CAMK4: variants seen among roughly 807,000 people sequenced by gnomAD.
CAMK4 encodes calcium/calmodulin dependent protein kinase IV, also known as calcium/calmodulin-dependent protein kinase type IV.
Under a neutral mutation model 44.9 loss-of-function variants are expected in CAMK4, and 22 were observed. The observed-to-expected ratio is 0.49, with a 90% CI of 0.35 to 0.70. CAMK4 has a LOEUF of 0.70. CAMK4 is among the 30% of genes least tolerant of loss of function. The pLI is 0.01. For missense variants in CAMK4, 498 were observed against 586.8 expected, an observed-to-expected ratio of 0.85 and a Z score of 1.56; for synonymous variants, 218 against 215.4, an observed-to-expected ratio of 1.01 and a Z score of -0.11.
At position 111,494,733 on chromosome 5, in the gene CAMK4, A is replaced by G. The variant is rs771577710; in HGVS notation, c.*10267A>G. The G allele has an allele frequency of 6.6e-6, 1 of 152,172 alleles. No homozygotes were observed. Among genetic ancestry groups the G allele is most frequent in the South Asian group, 2.1e-4 (1 of 4,830 alleles). 9.4% of individuals were successfully genotyped at this position (152,172 alleles called of 1,614,324 possible). On this transcript the variant is annotated 3_prime_UTR_variant, in exon 11 of 11. Coordinates refer to ENST00000282356, the MANE Select transcript of CAMK4 (RefSeq NM_001744.6). Reference sequence around the variant, plus strand: ...AAATGGGTGTTGGAAGACTAATTGTAGAAATTTGACCTGAGGGCCAATGTT... The same window carrying G: ...AAATGGGTGTTGGAAGACTAATTGTGGAAATTTGACCTGAGGGCCAATGTT...
At chr5:111,420,566 C>G (rs1752989265) in intron 5 of CAMK4, among the ~76,000 whole-genome samples, 1 of 152,164 alleles carries the variant, frequency 6.6e-6, no homozygotes, top group Non-Finnish European at 1.5e-5. Context: ...GGAATTTCCT[C>G]TTCCTAATAA....
intron 5 of CAMK4, among the ~76,000 whole-genome samples, chr5:111,426,610 A>G (rs1270453775): frequency 1.3e-5 from 2 of 152,180 alleles, no homozygotes; most frequent in Non-Finnish European, 2.9e-5. Context: ...GAAGAGATTA[A>G]AAATCAGTCC....
intron 5 of CAMK4, among the ~76,000 whole-genome samples, chr5:111,418,069 G>T (rs776434523): frequency 5.3e-5 from 8 of 152,006 alleles, no homozygotes; most frequent in Non-Finnish European, 1.0e-4. Context: ...TATCTGTTGG[G>T]GAATCTGCCC....
chr5:111,244,466 G>A (rs961824836), intron 1 of CAMK4, among the ~76,000 whole-genome samples: 7 of 152,196 alleles, frequency 4.6e-5, no homozygotes, highest in African/African-American at 1.7e-4. Flanking sequence ...TCTGGTCTAT[G>A]AGTGATTTGG....
chr5:111,338,196 A>T (rs754202677), intron 1 of CAMK4, among the ~76,000 whole-genome samples: 134 of 151,328 alleles, frequency 8.9e-4, no homozygotes, highest in Non-Finnish European at 1.5e-3. Context: ...CAAGCTAAAT[A>T]ACATATGAAT....
chr5:111,262,005 T>C (rs1750001787), intron 1 of CAMK4, among the ~76,000 whole-genome samples: 1 of 152,030 alleles, frequency 6.6e-6, no homozygotes, highest in Non-Finnish European at 1.5e-5. Context: ...GTTTAATACT[T>C]TTGAGGTCTT....
chr5:111,265,492 CTA>C (rs1456740247), intron 1 of CAMK4, among the ~76,000 whole-genome samples: 3 of 152,288 alleles, frequency 2.0e-5, no homozygotes, highest in Admixed American at 2.0e-4. Context: ...TAACTGTACT[CTA>C]TATATACTCC....
chr5:111,403,619 T>C (rs1752310035), intron 5 of CAMK4, among the ~76,000 whole-genome samples: 1 of 152,148 alleles, frequency 6.6e-6, no homozygotes, highest in Non-Finnish European at 1.5e-5. Flanking sequence ...TTATAATATT[T>C]TGATTTATAG....
intron 1 of CAMK4, among the ~76,000 whole-genome samples, chr5:111,227,096 G>T (rs569401839): frequency 6.6e-6 from 1 of 152,286 alleles, no homozygotes. Context: ...CATTCGTGGG[G>T]TGCATGCTTA....
At chr5:111,357,550 A>G (rs1474528194) in intron 2 of CAMK4, among the ~76,000 whole-genome samples, 1 of 36,058 alleles carries the variant, frequency 2.8e-5, no homozygotes, top group East Asian at 0.071. Flanking sequence ...ATATCCAGTC[A>G]CTGTAAACAG....
At position 111,494,097 on chromosome 5, in the gene CAMK4, C is replaced by G. The variant is rs1482057607; in HGVS notation, c.*9631C>G. The G allele has an allele frequency of 6.6e-6, 1 of 152,122 alleles. No individual in the cohort carries two copies. Among genetic ancestry groups the G allele is most frequent in the Non-Finnish European group, 1.5e-5 (1 of 68,020 alleles). 9.4% of individuals were successfully genotyped at this position (152,122 alleles called of 1,614,324 possible). A position where few individuals can be genotyped will look rare whatever the true frequency, so the allele number is the denominator to read the frequency against. On this transcript the variant is annotated 3_prime_UTR_variant, in exon 11 of 11. Coordinates refer to ENST00000282356, the MANE Select transcript of CAMK4 (RefSeq NM_001744.6). ...GCTTTCTGGACTAAAAGGATATAAG[C>G]AGCTCAATAGCAGCATAGAGGATTA...
chr5:111,456,113 G>T (rs960175560), intron 7 of CAMK4, among the ~76,000 whole-genome samples: 26 of 152,106 alleles, frequency 1.7e-4, no homozygotes, highest in African/African-American at 5.3e-4. Flanking sequence ...CCTCACAAGA[G>T]TAAGTCCTAA....
At chr5:111,413,987 C>G (rs949574608) in intron 5 of CAMK4, among the ~76,000 whole-genome samples, 84 of 152,004 alleles carry the variant, frequency 5.5e-4, no homozygotes, top group African/African-American at 2.0e-3. Flanking sequence ...TAATGGTCAA[C>G]TAAAATTATC....
Position 111,285,683 on chromosome 5 carries a change from G to A in CAMK4, c.162-58341G>A, listed in dbSNP as rs530514525. On this transcript the variant is annotated intron_variant, in intron 1 of 10. Transcript: ENST00000282356. ...TTTTGTGCTGTTAGAATAAAGTAGT[G>A]TATTTATTTGTTTCTATGGTCATCC... 9.8e-5 allele frequency among the ~76,000 whole-genome samples: 15 copies of A among 152,298 alleles called. No homozygotes were observed. In the South Asian group the frequency reaches 2.9e-3, roughly 29 times the overall value.
chr5:111,393,657 C>T (rs1289622516), intron 4 of CAMK4, among the ~76,000 whole-genome samples: 1 of 151,996 alleles, frequency 6.6e-6, no homozygotes, highest in East Asian at 1.9e-4. Context: ...CATGTTCTCA[C>T]TAAGTGATGA....
At chr5:111,277,230 G>T (rs1457792135) in intron 1 of CAMK4, among the ~76,000 whole-genome samples, 2 of 152,194 alleles carry the variant, frequency 1.3e-5, no homozygotes, top group African/African-American at 4.8e-5. Context: ...GTCAACTGTG[G>T]TTTTGGAGGC....
At chr5:111,422,006 T>C (rs1461704056) in intron 5 of CAMK4, among the ~76,000 whole-genome samples, 1 of 152,228 alleles carries the variant, frequency 6.6e-6, no homozygotes, top group Non-Finnish European at 1.5e-5. Flanking sequence ...TGAGGCCTCC[T>C]CAGCCATGTG....
chr5:111,295,825 T>C (rs752975601), intron 1 of CAMK4, among the ~76,000 whole-genome samples: 1 of 152,210 alleles, frequency 6.6e-6, no homozygotes, highest in Non-Finnish European at 1.5e-5. Flanking sequence ...TGAACAAATA[T>C]GCTTTTCGGT....
rs542338769 is a variant in CAMK4, at chr5:111,486,985, T to C, written c.*2519T>C. 4 of 152,298 alleles carry C rather than the reference T, an allele frequency of 2.6e-5. No homozygotes were observed. In the South Asian group the frequency reaches 8.3e-4, roughly 32 times the overall value. 9.4% of individuals were successfully genotyped at this position (152,298 alleles called of 1,614,324 possible). A position where few individuals can be genotyped will look rare whatever the true frequency, so the allele number is the denominator to read the frequency against. On this transcript the variant is annotated 3_prime_UTR_variant, in exon 11 of 11. Transcript: ENST00000282356. ...TCAAACTTTCAAAAATGTTGGTCAT[T>C]TCAGTCAAATTATTCAAAGATTTCA...
Sources: gnomAD v4.1 joint callset for allele counts (sites outside exome capture counted in the v4.1 genomes callset) on GRCh38, gnomAD v4.1.1 for gene constraint, MANE v1.5 for transcripts, NCBI Gene and HGNC (gene_info 2026-07-23, HGNC 2026-07-21) for gene names.